The following MAP3K13 variants were observed in gnomAD, a reference collection of about 807,000 sequenced individuals.
The protein encoded by MAP3K13 is mitogen-activated protein kinase kinase kinase 13.
A neutral mutation model predicts 104.0 loss-of-function variants in MAP3K13; 52 were observed. The observed-to-expected ratio is 0.50, with a 90% CI of 0.40 to 0.63. The LOEUF is 0.63. MAP3K13 is among the 20% of genes least tolerant of loss of function. The pLI is 0.00. For missense variants in MAP3K13, 914 were observed against 1,218.5 expected (o/e 0.75, Z 3.72); for synonymous variants, 394 against 442.2 (o/e 0.89, Z 1.37).
At position 185,484,294 on chromosome 3, in the gene MAP3K13, G is replaced by A. The variant is rs1718619128; in HGVS notation, c.*1838G>A. On this transcript the variant is annotated 3_prime_UTR_variant, in exon 14 of 14. Coordinates refer to ENST00000265026, the MANE Select transcript of MAP3K13 (RefSeq NM_004721.5). ...TCATGGGCTCTGAAAAGCATTCCAA[G>A]GTACTTCATGGTGCCTTGGCCTTAA... The A allele has an allele frequency of 6.6e-6, 1 of 152,086 alleles. No homozygotes were observed. The highest frequency in any genetic ancestry group is 2.4e-5 in the African/African-American group (1 of 41,416). 9.4% of individuals were successfully genotyped at this position (152,086 alleles called of 1,614,324 possible).
Position 185,455,352 on chromosome 3 carries a change from TATATATATGAGATATATATG to T in MAP3K13, c.1278+3968_1278+3987del, listed in dbSNP as rs1477698398. Among the ~76,000 whole-genome samples, 303 of 34,186 alleles carry T rather than the reference TATATATATGAGATATATATG, an allele frequency of 8.9e-3. 44 individuals are homozygous for T. Among genetic ancestry groups the T allele is most frequent in the African/African-American group, 0.03 (295 of 9,840 alleles). The allele number at this position is 34,186 out of a possible 152,430, so 22.4% of individuals were successfully genotyped here. The stretch of plus-strand genomic sequence containing the variant: ...TATGATATATATGAGATATATATGA[TATATATATGAGATATATATG>T]ATATATATGATATATATATCATATA... On this transcript the variant is annotated intron_variant, in intron 7 of 13. Coordinates refer to ENST00000265026, the MANE Select transcript of MAP3K13 (RefSeq NM_004721.5).
chr3:185,455,436 TATATATATGAGATATATATC>T lies in MAP3K13; in HGVS notation c.1278+4060_1278+4079del, dbSNP rs1716503713. Among the ~76,000 whole-genome samples, 3 of 68,508 alleles carry T rather than the reference TATATATATGAGATATATATC, an allele frequency of 4.4e-5. 1 individual carries two copies. Among genetic ancestry groups the T allele is most frequent in the Non-Finnish European group, 9.7e-5 (3 of 30,826 alleles). The allele number at this position is 68,508 out of a possible 152,430, so 44.9% of individuals were successfully genotyped here. On this transcript the variant is annotated intron_variant, in intron 7 of 13. Coordinates refer to ENST00000265026, the MANE Select transcript of MAP3K13 (RefSeq NM_004721.5). ...TGAGATATATATGATATATATGAGA[TATATATATGAGATATATATC>T]ATATATATGAGATATATACATGATA...
chr3:185,430,127 C>T (rs576043356), intron 2 of MAP3K13, among the ~76,000 whole-genome samples: 6 of 151,928 alleles, frequency 3.9e-5, no homozygotes, highest in Admixed American at 2.0e-4. Flanking sequence ...TTAAACCCAG[C>T]AGAGGCTGCA....
At chr3:185,353,493 G>C (rs890295395) in intron 2 of MAP3K13, among the ~76,000 whole-genome samples, 1 of 152,180 alleles carries the variant, frequency 6.6e-6, no homozygotes, top group Non-Finnish European at 1.5e-5. Context: ...GCTACGGTCG[G>C]TTTACACCTC....
intron 1 of MAP3K13, among the ~76,000 whole-genome samples, chr3:185,377,663 G>A (rs573866198): frequency 6.6e-6 from 1 of 152,302 alleles, no homozygotes; most frequent in Admixed American, 6.5e-5. Context: ...AGGGAAACAG[G>A]CCCTTCAAAA....
intron 12 of MAP3K13, among the ~76,000 whole-genome samples, chr3:185,478,678 C>A (rs540462006): frequency 1.3e-5 from 2 of 152,076 alleles, no homozygotes; most frequent in South Asian, 4.2e-4. Flanking sequence ...TCAAGACCAT[C>A]CTGGCCAACA....
chr3:185,450,016 C>A lies in MAP3K13; in HGVS notation c.1127C>A (p.Ser376Tyr). The A allele has an allele frequency of 6.2e-7, 1 of 1,613,246 alleles. No individual in the cohort carries two copies. The highest frequency in any genetic ancestry group is 1.1e-5 in the South Asian group (1 of 90,932). The change falls in exon 6 of 14, where the codon TCC becomes TAC. Residue 376 changes from serine (S) to tyrosine (Y), a missense_variant. Ser to Tyr is a moderately radical substitution (Grantham distance 144). Around this residue, in one of 3 missense-constraint regions of MAP3K13, gnomAD observed 175 missense variants for 321.3 expected, o/e 0.54. Transcript: ENST00000265026. This position sits in a 1 kb window ranked among gnomAD's most constrained non-coding sequence, Gnocchi z 4.2. ...GSNSLHLPVP[S>Y]TCPDGFKILM... ...AACAGCCTCCACCTTCCAGTTCCTT[C>A]CACTTGCCCTGATGGATTCAAAATC... is the stretch of plus-strand genomic sequence containing the variant.
chr3:185,463,462 G>A (rs957350477), intron 7 of MAP3K13, 88 bp from the exon 8 acceptor site: 28 of 729,190 alleles, frequency 3.8e-5, no homozygotes, highest in Non-Finnish European at 6.1e-5. Context: ...GAAGCATGCA[G>A]GGAAAAAAAA....
chr3:185,467,930 GA>G (rs1215469003), intron 10 of MAP3K13, among the ~76,000 whole-genome samples: 7 of 152,068 alleles, frequency 4.6e-5, no homozygotes, highest in Non-Finnish European at 7.4e-5. Flanking sequence ...TAATCATGGT[GA>G]AAAACAAAGG....
At chr3:185,302,457 C>T (rs1055672625) in intron 2 of MAP3K13, among the ~76,000 whole-genome samples, 7 of 152,098 alleles carry the variant, frequency 4.6e-5, no homozygotes, top group Admixed American at 1.3e-4. Context: ...TAAGTCTTCA[C>T]TCCATGAGTA....
upstream of MAP3K13, among the ~76,000 whole-genome samples, chr3:185,360,599 C>G (rs1223311259): frequency 6.6e-6 from 1 of 152,110 alleles, no homozygotes; most frequent in Non-Finnish European, 1.5e-5. Context: ...CTAACTGAGG[C>G]CAAGTTTATC....
chr3:185,476,455 G>T (rs929664142), intron 11 of MAP3K13: 36 of 151,186 alleles, frequency 2.4e-4, no homozygotes, highest in African/African-American at 7.8e-4. Context: ...CTCAATATTT[G>T]GTACAGTTCC....
At chr3:185,344,496 A>G (rs925146166) in intron 2 of MAP3K13, among the ~76,000 whole-genome samples, 11 of 152,166 alleles carry the variant, frequency 7.2e-5, no homozygotes, top group African/African-American at 2.2e-4. Flanking sequence ...GCTATACACT[A>G]TACATGGCAG....
At chr3:185,288,534 T>TTGTGTG (rs1553784174) in intron 2 of MAP3K13, among the ~76,000 whole-genome samples, 1 of 148,050 alleles carries the variant, frequency 6.8e-6, no homozygotes, top group African/African-American at 2.5e-5. Context: ...GTGTGTGTGT[T>TTGTGTG]TGTGTGTATA....
intron 3 of MAP3K13, among the ~76,000 whole-genome samples, chr3:185,438,137 T>A (rs190301053): frequency 0.015 from 2,259 of 151,560 alleles, 26 homozygotes; most frequent in Middle Eastern, 0.031. Flanking sequence ...TAAAAAAAAA[T>A]TTTTTTTAAT....
chr3:185,322,905 C>T (rs1407790543), intron 2 of MAP3K13, among the ~76,000 whole-genome samples: 1 of 151,848 alleles, frequency 6.6e-6, no homozygotes, highest in Non-Finnish European at 1.5e-5. Flanking sequence ...TTATCTTTAC[C>T]CTAATGTAGG....
intron 2 of MAP3K13, among the ~76,000 whole-genome samples, chr3:185,286,404 C>T (rs889996127): frequency 2.6e-5 from 4 of 151,866 alleles, no homozygotes; most frequent in Admixed American, 1.3e-4. Flanking sequence ...CTATAGCAGG[C>T]AGTACTTCTA....
In MAP3K13 at chr3:185,473,518, T is replaced by C; in HGVS notation, c.2187T>C (p.Tyr729=). The C allele has an allele frequency of 6.2e-7, 1 of 1,614,226 alleles. No homozygotes were observed. The highest frequency in any genetic ancestry group is 8.5e-7 in the Non-Finnish European group (1 of 1,180,044). Residue 729 remains tyrosine, a synonymous_variant, in exon 11 of 14, where the codon TAT becomes TAC. Transcript: ENST00000265026. The surrounding 1 kb of genome is among the most constrained non-coding windows in gnomAD (Gnocchi z 4.9). Reference sequence around the variant, plus strand: ...GGGGCTGTTGCCAGGCTGACGCTTATGACCCCTGCCTTCAGTGCAGGCCAG... The same window carrying C: ...GGGGCTGTTGCCAGGCTGACGCTTACGACCCCTGCCTTCAGTGCAGGCCAG... ...GPWGCCQADA[Y]DPCLQCRPEQ... is the part of the protein sequence containing the mutation.
chr3:185,325,111 G>A (rs1722002335), intron 2 of MAP3K13, among the ~76,000 whole-genome samples: 1 of 152,168 alleles, frequency 6.6e-6, no homozygotes, highest in Non-Finnish European at 1.5e-5. Context: ...TGAAATCATG[G>A]TCATTAAGTA....
Sources: gnomAD v4.1 joint callset for allele counts (sites outside exome capture counted in the v4.1 genomes callset) on GRCh38, gnomAD v4.1.1 for gene constraint, gnomAD v4.1.1 regional missense constraint, Gnocchi (gnomAD v3.1) non-coding constraint, MANE v1.5 for transcripts, NCBI Gene and HGNC (gene_info 2026-07-23, HGNC 2026-07-21) for gene names.